ADD3: variants seen among roughly 807,000 people sequenced by gnomAD.
ADD3 encodes gamma-adducin.
ADD3 carries 25 observed loss-of-function variants against 80.2 expected under a neutral mutation model. The observed-to-expected ratio is 0.31, with a 90% CI of 0.23 to 0.44. The LOEUF (loss-of-function observed/expected upper bound fraction) is 0.44, where lower values mean the gene tolerates loss of function less well. Ranked by LOEUF, ADD3 falls within the 20% of genes least tolerant of loss-of-function variation. The pLI, the probability that ADD3 is intolerant of heterozygous loss-of-function variation, is 1.00. For synonymous variants in ADD3, 284 were observed against 289.6 expected, an observed-to-expected ratio of 0.98 and a Z score of 0.20; for missense variants, 829 against 847.5, an observed-to-expected ratio of 0.98 and a Z score of 0.27.
chr10:110,057,215 C>T (rs1408350900), intron 1 of ADD3, among the ~76,000 whole-genome samples: 2 of 152,212 alleles, frequency 1.3e-5, no homozygotes, highest in African/African-American at 4.8e-5. Context: ...TATGTGACAA[C>T]TAACTCTTCT....
intron 10 of ADD3, among the ~76,000 whole-genome samples, chr10:110,124,828 A>T (rs1055243900): frequency 6.6e-6 from 1 of 152,208 alleles, no homozygotes; most frequent in Non-Finnish European, 1.5e-5. Flanking sequence ...ACCACCAAAC[A>T]TTCTCTAGGT....
upstream of ADD3, among the ~76,000 whole-genome samples, chr10:110,001,148 C>T (rs1048854835): frequency 1.9e-4 from 29 of 152,144 alleles, no homozygotes; most frequent in Admixed American, 4.6e-4. Flanking sequence ...GGCATGTTGG[C>T]TCACACCTGT....
chr10:110,118,019 T>TAC (rs148105742), intron 5 of ADD3, among the ~76,000 whole-genome samples: 8,275 of 125,484 alleles, frequency 0.066, 277 homozygotes, highest in Non-Finnish European at 0.079. Flanking sequence ...CTGTCTTCAA[T>TAC]ACACACACAC....
upstream of ADD3, among the ~76,000 whole-genome samples, chr10:110,001,526 T>A (rs1204342599): frequency 6.6e-6 from 1 of 152,160 alleles, no homozygotes; most frequent in Non-Finnish European, 1.5e-5. Flanking sequence ...CTCTTTCACA[T>A]AATGAAACGG....
intron 1 of ADD3, among the ~76,000 whole-genome samples, chr10:110,025,941 C>A (rs1170211532): frequency 6.6e-6 from 1 of 152,020 alleles, no homozygotes; most frequent in Non-Finnish European, 1.5e-5. Context: ...AAAAAAATTT[C>A]ATCGAATTTG....
At chr10:110,095,043 C>T (rs901632036) in intron 1 of ADD3, among the ~76,000 whole-genome samples, 1 of 152,116 alleles carries the variant, frequency 6.6e-6, no homozygotes, top group African/African-American at 2.4e-5. Flanking sequence ...TTACTATTCC[C>T]AGCCTATAAA....
At chr10:109,996,990 A>G (rs939544010) in intron 1 of ADD3, among the ~76,000 whole-genome samples, 6 of 152,216 alleles carry the variant, frequency 3.9e-5, no homozygotes, top group African/African-American at 1.4e-4. Flanking sequence ...TATAGATCAC[A>G]AGGTTTTTAT....
chr10:110,113,010 CTTAAGT>C, intron 3 of ADD3, 95 bp downstream of exon 3: 1 of 1,348,544 alleles, frequency 7.4e-7, no homozygotes, highest in Non-Finnish European at 1.0e-6. Context: ...GGGTTCAGTC[CTTAAGT>C]TTATAACATC....
intron 1 of ADD3, among the ~76,000 whole-genome samples, chr10:110,098,265 A>C (rs781450325): frequency 7.7e-4 from 118 of 152,320 alleles, no homozygotes; most frequent in Non-Finnish European, 1.2e-3. Context: ...TAATAATCCT[A>C]GGAGTTGGAT....
intron 1 of ADD3, among the ~76,000 whole-genome samples, chr10:110,028,573 A>G (rs1002735500): frequency 1.3e-5 from 2 of 152,328 alleles, no homozygotes; most frequent in African/African-American, 4.8e-5. Flanking sequence ...TCAAAACAAA[A>G]GAAAAAATAA....
At chr10:110,071,044 A>T (rs1844639658) in intron 1 of ADD3, among the ~76,000 whole-genome samples, 2 of 150,396 alleles carry the variant, frequency 1.3e-5, no homozygotes, top group Non-Finnish European at 3.0e-5. Context: ...TTTGAAGCTA[A>T]GTGCTTGAAT....
chr10:110,053,499 C>T (rs1392958329), intron 1 of ADD3, among the ~76,000 whole-genome samples: 1 of 151,382 alleles, frequency 6.6e-6, no homozygotes, highest in Non-Finnish European at 1.5e-5. Flanking sequence ...CTGTAATACC[C>T]AAGACTATTG....
intron 1 of ADD3, among the ~76,000 whole-genome samples, chr10:110,031,842 G>A (rs766371847): frequency 2.0e-5 from 3 of 150,914 alleles, no homozygotes; most frequent in Non-Finnish European, 4.4e-5. Flanking sequence ...AGAACATAAG[G>A]TTTTAGAATA....
At chr10:110,076,181 C>T (rs940437585) in intron 1 of ADD3, among the ~76,000 whole-genome samples, 1 of 151,906 alleles carries the variant, frequency 6.6e-6, no homozygotes, top group Non-Finnish European at 1.5e-5. Flanking sequence ...TTAAAAATAA[C>T]TCTTGGTTGT....
At position 110,100,802 on chromosome 10, in the gene ADD3, A is replaced by G; in HGVS notation, c.149A>G (p.Asn50Ser). 1 of 1,613,112 alleles carries G rather than the reference A, an allele frequency of 6.2e-7. No homozygotes were observed. The highest frequency in any genetic ancestry group is 8.5e-7 in the Non-Finnish European group (1 of 1,179,582). Residue 50 changes from asparagine to serine, a missense_variant, in exon 2 of 15, where the codon AAC becomes AGC. Physicochemically the swap from Asn to Ser is conservative, Grantham distance 46 (BLOSUM62 1). Transcript: ENST00000356080. ...TCTCCTGATCTACGACAAGACTTCA[A>G]CATGATGGAGCAGAGGAAACGAGTT... The part of the protein sequence containing the change: ...NMSPDLRQDF[N>S]MMEQRKRVTQ...
At chr10:110,038,924 A>T (rs559842918) in intron 1 of ADD3, among the ~76,000 whole-genome samples, 2 of 152,234 alleles carry the variant, frequency 1.3e-5, no homozygotes, top group African/African-American at 4.8e-5. Context: ...GGGCTATAAT[A>T]TGTGTAATAT....
intron 2 of ADD3, among the ~76,000 whole-genome samples, chr10:110,103,731 C>T (rs976188302): frequency 6.6e-6 from 1 of 152,114 alleles, no homozygotes; most frequent in Admixed American, 6.5e-5. Context: ...CAGGGTCTTA[C>T]TGTGTTGCCC....
At chr10:110,063,956 T>G (rs1843598058) in intron 1 of ADD3, among the ~76,000 whole-genome samples, 1 of 151,210 alleles carries the variant, frequency 6.6e-6, no homozygotes, top group African/African-American at 2.4e-5. Flanking sequence ...TACCATAGAG[T>G]AGTGTTGCCT....
At chr10:110,020,768 C>T (rs994791511) in intron 1 of ADD3, among the ~76,000 whole-genome samples, 2 of 152,032 alleles carry the variant, frequency 1.3e-5, no homozygotes, top group Non-Finnish European at 2.9e-5. Flanking sequence ...TGATTGGATT[C>T]TGGATATATT....
Sources: allele counts gnomAD v4.1 joint callset (sites outside exome capture counted in the v4.1 genomes callset), GRCh38; gene constraint gnomAD v4.1.1; transcripts MANE v1.5; gene names NCBI Gene and HGNC (gene_info 2026-07-23, HGNC 2026-07-21).